Variants in RBFOX1 observed in about 807,000 individuals in gnomAD.
RBFOX1 encodes the protein RNA binding fox-1 homolog 1.
In RBFOX1, 8 loss-of-function variants were observed where a neutral mutation model predicts 57.7. The observed-to-expected ratio is 0.14, with a 90% CI of 0.08 to 0.25. RBFOX1 has a LOEUF of 0.25. Ranked by LOEUF, RBFOX1 falls within the 10% of genes least tolerant of loss-of-function variation. The pLI is 1.00. For synonymous variants in RBFOX1, 326 were observed against 222.4 expected (o/e 1.47, Z -4.15); for missense variants, 611 against 548.5 (o/e 1.11, Z -1.14).
intron 1 of RBFOX1, among the ~76,000 whole-genome samples, chr16:6,212,820 C>G (rs1460558863): frequency 7.2e-5 from 11 of 152,088 alleles, no homozygotes; most frequent in African/African-American, 2.7e-4. Context: ...AATTTTTTCT[C>G]CAAGACATAT....
chr16:5,709,180 C>T (rs2051360443), intron 3 of RBFOX1, among the ~76,000 whole-genome samples: 1 of 152,144 alleles, frequency 6.6e-6, no homozygotes, highest in Non-Finnish European at 1.5e-5. Context: ...TTTCTGGGCT[C>T]CAGTGAGAGA....
rs1555553887 is a variant in RBFOX1 at position 6,212,728 on chromosome 16, CAAA to C, written c.-126-104259_-126-104257del. Among the ~76,000 whole-genome samples, 728 of 145,406 alleles carry C rather than the reference CAAA, an allele frequency of 5.0e-3. 5 individuals carry two copies. The highest frequency in any genetic ancestry group is 8.1e-3 in the Admixed American group (121 of 14,896). On this transcript the variant is annotated intron_variant, in intron 1 of 15. Transcript: ENST00000550418. ...TCAAAAAAACAAACAAACAAACAAA[CAAA>C]AAAAAAACCCACTAATATGATAATG...
chr16:7,092,938 A>T (rs1013823437), intron 4 of RBFOX1, among the ~76,000 whole-genome samples: 1 of 152,074 alleles, frequency 6.6e-6, no homozygotes, highest in Admixed American at 6.5e-5. Context: ...AAGTTAGTTG[A>T]CGCATTCGTT....
At chr16:6,854,119 T>C (rs1015978606) in intron 3 of RBFOX1, among the ~76,000 whole-genome samples, 1 of 152,222 alleles carries the variant, frequency 6.6e-6, no homozygotes, top group Non-Finnish European at 1.5e-5. Flanking sequence ...AAAACTCCAT[T>C]GCTCTGTATT....
intron 3 of RBFOX1, among the ~76,000 whole-genome samples, chr16:5,649,462 G>C (rs1240469845): frequency 6.6e-6 from 1 of 152,162 alleles, no homozygotes; most frequent in Non-Finnish European, 1.5e-5. Flanking sequence ...GAGCCACCAT[G>C]CCGGGTCAGA....
At chr16:6,460,701 G>T (rs1390904119) in intron 2 of RBFOX1, among the ~76,000 whole-genome samples, 1 of 151,960 alleles carries the variant, frequency 6.6e-6, no homozygotes, top group East Asian at 1.9e-4. Context: ...TTCCTTAAAG[G>T]TTTAGAACCA....
chr16:6,901,865 A>T (rs1266771593), intron 3 of RBFOX1, among the ~76,000 whole-genome samples: 1 of 152,224 alleles, frequency 6.6e-6, no homozygotes, highest in Admixed American at 6.5e-5. Flanking sequence ...AATGTTCTGG[A>T]GTTCCCCATG....
chr16:6,018,998 G>A (rs372746744), upstream of RBFOX1: 1 of 773,112 alleles, frequency 1.3e-6, no homozygotes, highest in Admixed American at 6.3e-5. Flanking sequence ...CGAGGGGAAG[G>A]GGGAGGGGGC....
chr16:7,086,294 G>A (rs1248500392), intron 4 of RBFOX1, among the ~76,000 whole-genome samples: 6 of 152,136 alleles, frequency 3.9e-5, no homozygotes, highest in African/African-American at 1.4e-4. Flanking sequence ...AGTTTTCTCT[G>A]TGTGCCATGT....
intron 3 of RBFOX1, among the ~76,000 whole-genome samples, chr16:6,913,667 C>T (rs2072315719): frequency 1.3e-5 from 2 of 152,168 alleles, no homozygotes; most frequent in South Asian, 4.1e-4. Context: ...CTCCTAGAAG[C>T]CCTTGGTAGA....
chr16:7,135,511 GAA>G (rs1469904168), intron 4 of RBFOX1, among the ~76,000 whole-genome samples: 2 of 152,176 alleles, frequency 1.3e-5, no homozygotes, highest in East Asian at 3.8e-4. Context: ...TTGTAATGAG[GAA>G]AAAGAGACAG....
rs541762379 is a variant in RBFOX1, at chr16:6,462,694, T to C, written c.-64+145637T>C. 3.8e-4 allele frequency among the ~76,000 whole-genome samples: 58 copies of C among 151,948 alleles called. 1 individual carries two copies. In the Middle Eastern group the frequency reaches 0.017, roughly 45 times the overall value. On this transcript the variant is annotated intron_variant, in intron 2 of 15. Coordinates refer to ENST00000550418, the MANE Select transcript of RBFOX1 (RefSeq NM_018723.4). ...ATTTCAACAAATATTACCATGTTTTTACCCCCCACCGCCCCCCACACACAA... is the reference window on the plus strand; with the variant it reads ...ATTTCAACAAATATTACCATGTTTTCACCCCCCACCGCCCCCCACACACAA...
chr16:5,372,621 C>G (rs1313855535), intron 1 of RBFOX1, among the ~76,000 whole-genome samples: 1 of 152,110 alleles, frequency 6.6e-6, no homozygotes, highest in African/African-American at 2.4e-5. Flanking sequence ...GCTCAGGTCT[C>G]TCTACTATCG....
chr16:7,021,769 T>G (rs1255159771), intron 3 of RBFOX1, among the ~76,000 whole-genome samples: 1 of 150,852 alleles, frequency 6.6e-6, no homozygotes, highest in Admixed American at 6.6e-5. Context: ...TTTTATTTAT[T>G]GAGCATGTAC....
chr16:7,172,096 C>T (rs1159426720), intron 4 of RBFOX1, among the ~76,000 whole-genome samples: 1 of 152,180 alleles, frequency 6.6e-6, no homozygotes, highest in African/African-American at 2.4e-5. Context: ...TTAACGTTCT[C>T]ATCTGTAAAA....
chr16:6,956,250 A>G (rs926646168), intron 3 of RBFOX1, among the ~76,000 whole-genome samples: 1 of 152,164 alleles, frequency 6.6e-6, no homozygotes, highest in Non-Finnish European at 1.5e-5. Flanking sequence ...TTTGCTTTGA[A>G]GAGTCAGGCA....
chr16:6,056,111 A>G (rs903186626), intron 1 of RBFOX1, among the ~76,000 whole-genome samples: 1 of 152,164 alleles, frequency 6.6e-6, no homozygotes, highest in African/African-American at 2.4e-5. Flanking sequence ...TGCCAGTATA[A>G]ACGGCGGGAA....
At chr16:7,234,783 A>T (rs1054806252) in intron 4 of RBFOX1, among the ~76,000 whole-genome samples, 1 of 151,902 alleles carries the variant, frequency 6.6e-6, no homozygotes, top group Non-Finnish European at 1.5e-5. Context: ...AATAGACTAC[A>T]TTCAAACTCA....
chr16:7,557,637 A>G lies in RBFOX1; in HGVS notation c.271-22140A>G, dbSNP rs868252369. The stretch of plus-strand genomic sequence containing the variant: ...TCTGTCTCAAAAAAAAAAAAAAAAA[A>G]AAAAAGAAAAAGAAAAAAAAAAAGC... On this transcript the variant is annotated intron_variant, in intron 5 of 15. Coordinates refer to ENST00000550418, the MANE Select transcript of RBFOX1 (RefSeq NM_018723.4). 7.6e-3 allele frequency among the ~76,000 whole-genome samples: 783 copies of G among 103,282 alleles called. 3 individuals are homozygous for G. Among genetic ancestry groups the G allele is most frequent in the African/African-American group, 0.022 (716 of 33,064 alleles). The allele number at this position is 103,282 out of a possible 152,430, so 67.8% of individuals were successfully genotyped here.
Sources: allele counts gnomAD v4.1 joint callset (sites outside exome capture counted in the v4.1 genomes callset), GRCh38; gene constraint gnomAD v4.1.1; transcripts MANE v1.5; gene names NCBI Gene and HGNC (gene_info 2026-07-23, HGNC 2026-07-21).